The following HYDIN variants were observed in gnomAD, a reference collection of about 807,000 sequenced individuals.
The protein encoded by HYDIN is axonemal central pair apparatus protein HYDIN.
HYDIN carries 132 observed loss-of-function variants against 403.9 expected under a neutral mutation model. The ratio of observed to expected loss-of-function variants is 0.33; its 90% CI spans 0.28 to 0.38. HYDIN has a LOEUF of 0.38. Ranked by LOEUF, HYDIN falls within the 10% of genes least tolerant of loss-of-function variation. HYDIN has a pLI of 1.00. For synonymous variants in HYDIN, 1,202 were observed against 1,891.7 expected, an observed-to-expected ratio of 0.64 and a Z score of 9.46; for missense variants, 2,827 against 5,009.5, an observed-to-expected ratio of 0.56 and a Z score of 13.15.
chr16:70,970,530 A>G lies in HYDIN; in HGVS notation c.5609T>C (p.Ile1870Thr), dbSNP rs1277204062. ...TTGACCTCTGCTCACCTTTTCTTCT[A>G]TGAGATACTGCTGATCAAATTCTAA... ...YSLEFDQQYL[I>T]EEKILRKLKG... is the part of the protein sequence containing the mutation. The change falls in exon 36 of 86, where the codon ATA (isoleucine) becomes ACA (threonine). Residue 1870 changes from isoleucine to threonine, a missense_variant. By Grantham distance (89) the Ile-to-Thr change is moderately conservative. Coordinates refer to ENST00000393567, the MANE Select transcript of HYDIN (RefSeq NM_001270974.2). 2 of 1,564,590 alleles carry G rather than the reference A, an allele frequency of 1.3e-6. No individual in the cohort carries two copies. The highest frequency in any genetic ancestry group is 1.4e-5 in the African/African-American group (1 of 73,502).
In HYDIN at chr16:71,229,970, G is replaced by T. The variant is rs1376676320; in HGVS notation, c.-24+592C>A. Among the ~76,000 whole-genome samples, 5 of 152,296 alleles carry T rather than the reference G, an allele frequency of 3.3e-5. No homozygotes were observed. The South Asian group carries it at 8.3e-4, about 25-fold the overall frequency. ...GGGTTGTTCTCATGATAGTGACTGA[G>T]TCTGACGAGATTTGATGGTTTTATA... On this transcript the variant is annotated intron_variant, in intron 1 of 85. Coordinates refer to ENST00000393567, the MANE Select transcript of HYDIN (RefSeq NM_001270974.2).
Position 71,020,266 on chromosome 16 carries a change from T to C in HYDIN, c.3238A>G (p.Ile1080Val), listed in dbSNP as rs760887500. Residue 1080 changes from isoleucine to valine, a missense_variant, in exon 22 of 86, where the codon ATT (isoleucine) becomes GTT (valine). Ile to Val is a conservative substitution (Grantham distance 29, BLOSUM62 3). Coordinates refer to ENST00000393567, the MANE Select transcript of HYDIN (RefSeq NM_001270974.2). ...PDYQPLAIKN[I>V]STLPVNLLLS... Reference sequence around the variant, plus strand: ...AACAAGTTCACGGGCAGGGTGGAAATGTTCTTTATGGCCAAGGGCTGGTAA... The same window carrying C: ...AACAAGTTCACGGGCAGGGTGGAAACGTTCTTTATGGCCAAGGGCTGGTAA... 6.2e-7 allele frequency: 1 copy of C among 1,613,864 alleles called. No individual in the cohort carries two copies. Among genetic ancestry groups the C allele is most frequent in the African/African-American group, 1.3e-5 (1 of 74,866 alleles).
intron 47 of HYDIN, among the ~76,000 whole-genome samples, chr16:70,911,366 G>A (rs566518721): frequency 1.3e-5 from 2 of 151,502 alleles, no homozygotes; most frequent in South Asian, 2.1e-4. Context: ...TGTTGAAAAG[G>A]ATGTCCTTTC....
In HYDIN at chr16:71,135,788, T is replaced by C. The variant is rs1346066821; in HGVS notation, c.1043+1363A>G. Among the ~76,000 whole-genome samples the C allele has an allele frequency of 2.0e-5, 3 of 147,942 alleles. No individual in the cohort carries two copies. The Admixed American group carries it at 2.0e-4, about 10-fold the overall frequency. ...AGAGGAAGATTTTAGGCATAAGTGG[T>C]TTTTCTTTCCTCATTTTTTAAAAGA... On this transcript the variant is annotated intron_variant, in intron 8 of 85. Coordinates refer to ENST00000393567, the MANE Select transcript of HYDIN (RefSeq NM_001270974.2).
chr16:70,922,123 G>A (rs1306066651), intron 45 of HYDIN, among the ~76,000 whole-genome samples: 1 of 152,170 alleles, frequency 6.6e-6, no homozygotes, highest in African/African-American at 2.4e-5. Flanking sequence ...AGACATGAAC[G>A]ACCAGGGGCT....
chr16:70,806,582 T>C lies in HYDIN; in HGVS notation c.*998A>G, dbSNP rs2035117266. Among the ~76,000 whole-genome samples, 1 of 152,170 alleles carries C rather than the reference T, an allele frequency of 6.6e-6. No individual in the cohort carries two copies. Among genetic ancestry groups the C allele is most frequent in the African/African-American group, 2.4e-5 (1 of 41,422 alleles). ...AGTACTGCTGCTGGCCCAGGGACCA[T>C]TTTTAAGACCCACTTCTTTACGGCA... is the stretch of plus-strand genomic sequence containing the variant. On this transcript the variant is annotated 3_prime_UTR_variant, in exon 86 of 86. Coordinates refer to ENST00000393567, the MANE Select transcript of HYDIN (RefSeq NM_001270974.2).
In HYDIN at chr16:70,850,265, A is replaced by G. The variant is rs549901768; in HGVS notation, c.12651+183T>C. 3.2e-4 allele frequency among the ~76,000 whole-genome samples: 46 copies of G among 145,434 alleles called. 1 individual carries two copies. Among genetic ancestry groups the G allele is most frequent in the African/African-American group, 1.2e-3 (43 of 35,330 alleles). On this transcript the variant is annotated intron_variant, in intron 74 of 85. Transcript: ENST00000393567. ...CTCTCCACCCCCCCCTGAAAATAAA[A>G]TAAGAAAAGCATTCACATCATATCT...
chr16:70,957,082 C>A (rs8061245), intron 39 of HYDIN, among the ~76,000 whole-genome samples: 1 of 149,666 alleles, frequency 6.7e-6, no homozygotes, highest in South Asian at 2.2e-4. Context: ...ACCTCCAGAA[C>A]GTTGTCATCT....
intron 55 of HYDIN, chr16:70,893,970 G>A (rs1441080539): frequency 6.5e-6 from 1 of 152,780 alleles, no homozygotes; most frequent in Non-Finnish European, 1.5e-5. Flanking sequence ...GCTGAAGAAG[G>A]TCTCCTTGTA....
At chr16:71,139,453 T>C in intron 7 of HYDIN, among the ~76,000 whole-genome samples, 1 of 152,068 alleles carries the variant, frequency 6.6e-6, no homozygotes, top group Non-Finnish European at 1.5e-5. Context: ...AATCATCAGA[T>C]AGAAACTATG....
intron 84 of HYDIN, among the ~76,000 whole-genome samples, chr16:70,812,940 A>G (rs2035597582): frequency 6.6e-6 from 1 of 151,950 alleles, no homozygotes; most frequent in Admixed American, 6.6e-5. Context: ...ATGATGAAAG[A>G]CTGTGGCTTC....
chr16:71,204,591 T>A (rs558200512), intron 1 of HYDIN, among the ~76,000 whole-genome samples: 2 of 152,348 alleles, frequency 1.3e-5, no homozygotes, highest in East Asian at 3.8e-4. Context: ...TAATTCATAT[T>A]GGATGGGTGT....
intron 1 of HYDIN, among the ~76,000 whole-genome samples, chr16:71,197,401 A>G (rs1321165853): frequency 6.6e-6 from 1 of 152,238 alleles, no homozygotes; most frequent in Non-Finnish European, 1.5e-5. Flanking sequence ...TTGACTCTGC[A>G]TATCTGCCAA....
At chr16:71,216,943 G>C (rs565957593) in intron 1 of HYDIN, among the ~76,000 whole-genome samples, 1 of 152,178 alleles carries the variant, frequency 6.6e-6, no homozygotes, top group African/African-American at 2.4e-5. Flanking sequence ...TATCAGTGAG[G>C]ACTAGACATC....
chr16:71,112,728 CA>C (rs1309950702), intron 10 of HYDIN, among the ~76,000 whole-genome samples: 1 of 151,554 alleles, frequency 6.6e-6, no homozygotes, highest in Non-Finnish European at 1.5e-5. Context: ...GAAGACTTAA[CA>C]GTGGTTATCA....
intron 45 of HYDIN, among the ~76,000 whole-genome samples, chr16:70,928,032 A>C (rs2077206495): frequency 6.6e-6 from 1 of 152,030 alleles, no homozygotes; most frequent in African/African-American, 2.4e-5. Flanking sequence ...GAGATGTAGA[A>C]AGCAGTTAAA....
chr16:71,101,748 A>G (rs1257482737), intron 10 of HYDIN, among the ~76,000 whole-genome samples: 1 of 152,182 alleles, frequency 6.6e-6, no homozygotes, highest in Non-Finnish European at 1.5e-5. Context: ...TGCAGGTAGG[A>G]AAGTAGACTG....
chr16:70,993,853 C>T (rs1187530810), intron 23 of HYDIN, among the ~76,000 whole-genome samples: 4 of 151,696 alleles, frequency 2.6e-5, no homozygotes, highest in South Asian at 2.1e-4. Context: ...TAGTCTTTTA[C>T]ATTTTAGCCA....
chr16:71,135,310 G>GA (rs1200269681), intron 8 of HYDIN, among the ~76,000 whole-genome samples: 2 of 151,392 alleles, frequency 1.3e-5, no homozygotes, highest in Non-Finnish European at 2.9e-5. Flanking sequence ...GTGAAGTGGG[G>GA]AAAAAACTAA....
Sources: gnomAD v4.1 joint callset for allele counts (sites outside exome capture counted in the v4.1 genomes callset) on GRCh38, gnomAD v4.1.1 for gene constraint, MANE v1.5 for transcripts, NCBI Gene and HGNC (gene_info 2026-07-23, HGNC 2026-07-21) for gene names.